The following UNC13C variants were observed in gnomAD, a reference collection of about 807,000 sequenced individuals.
The protein encoded by UNC13C is unc-13 homolog C, also known as protein unc-13 homolog C.
UNC13C carries 174 observed loss-of-function variants against 245.4 expected under a neutral mutation model. The ratio of observed to expected loss-of-function variants is 0.71; its 90% confidence interval spans 0.63 to 0.80. The LOEUF is 0.80. UNC13C is among the 30% of genes least tolerant of loss of function. The pLI is 0.00. For synonymous variants in UNC13C, 992 were observed against 895.1 expected, an observed-to-expected ratio of 1.11 and a Z score of -1.93; for missense variants, 2,829 against 2,602.9, an observed-to-expected ratio of 1.09 and a Z score of -1.89.
rs55925649 is a variant in UNC13C, at chr15:54,175,508, A to ATTTTTTTTTTTTTTTTTTTTTTTTTTTT, written c.3071+31846_3071+31847insTTTTTTTTTTTTTTTTTTTTTTTTTTTT. On this transcript the variant is annotated intron_variant, in intron 4 of 32. Coordinates refer to ENST00000260323, the MANE Select transcript of UNC13C (RefSeq NM_001080534.3). ...AAAACACTGTTGTTGTGGCCCTAGA[A>ATTTTTTTTTTTTTTTTTTTTTTTTTTTT]TTTTTTTTTTTTTTTTTTTTTTGAG... Among the ~76,000 whole-genome samples the ATTTTTTTTTTTTTTTTTTTTTTTTTTTT allele has an allele frequency of 3.2e-4, 34 of 105,984 alleles. 1 individual carries two copies. Among genetic ancestry groups the ATTTTTTTTTTTTTTTTTTTTTTTTTTTT allele is most frequent in the African/African-American group, 1.2e-3 (31 of 26,228 alleles). The allele number at this position is 105,984 out of a possible 152,430, so 69.5% of individuals were successfully genotyped here.
chr15:54,172,049 A>T (rs1325638816), intron 4 of UNC13C, among the ~76,000 whole-genome samples: 1 of 152,098 alleles, frequency 6.6e-6, no homozygotes, highest in Non-Finnish European at 1.5e-5. Flanking sequence ...TGTGGGAGCT[A>T]AAAATTAAAA....
chr15:54,128,824 T>A (rs76923486), intron 2 of UNC13C, among the ~76,000 whole-genome samples: 7,283 of 152,230 alleles, frequency 0.048, 305 homozygotes, highest in African/African-American at 0.11. Context: ...GGAGGGAAAT[T>A]AGTACCTAAT....
At chr15:54,542,326 T>A (rs1896283809) in intron 26 of UNC13C, among the ~76,000 whole-genome samples, 1 of 152,186 alleles carries the variant, frequency 6.6e-6, no homozygotes, top group Admixed American at 6.6e-5. Context: ...AGTTTCTTAA[T>A]CCTGAGTTCT....
chr15:54,536,256 A>G (rs1046793224), intron 26 of UNC13C, among the ~76,000 whole-genome samples: 2 of 152,092 alleles, frequency 1.3e-5, no homozygotes, highest in African/African-American at 4.8e-5. Context: ...TCCCAGAAAC[A>G]TACAAACTAC....
chr15:54,152,402 A>G (rs966168356), intron 4 of UNC13C, among the ~76,000 whole-genome samples: 1 of 152,220 alleles, frequency 6.6e-6, no homozygotes, highest in Non-Finnish European at 1.5e-5. Flanking sequence ...CAATTTGCTT[A>G]TTCAACATTT....
At chr15:54,228,599 C>T (rs140479498) in intron 4 of UNC13C, among the ~76,000 whole-genome samples, 1 of 152,278 alleles carries the variant, frequency 6.6e-6, no homozygotes, top group Non-Finnish European at 1.5e-5. Flanking sequence ...GGATTCTTCC[C>T]TTCAAGGCAG....
chr15:53,880,696 C>CTT, the UNC13C span, among the ~76,000 whole-genome samples: 26,299 of 141,290 alleles, frequency 0.19, 3,036 homozygotes, highest in Non-Finnish European at 0.26. Flanking sequence ...GCTTTGTCAT[C>CTT]TTTTTTTTTT....
At chr15:54,122,994 C>T (rs538076412) in intron 2 of UNC13C, among the ~76,000 whole-genome samples, 7 of 152,006 alleles carry the variant, frequency 4.6e-5, no homozygotes, top group South Asian at 2.1e-4. Context: ...ATATGGCAAA[C>T]GTATGTTTAA....
At position 54,405,994 on chromosome 15, in the gene UNC13C, T is replaced by TG. The variant is rs5812758; in HGVS notation, c.4848-8980dup. Among the ~76,000 whole-genome samples, 922 of 151,916 alleles carry TG rather than the reference T, an allele frequency of 6.1e-3. 12 individuals carry two copies. The highest frequency in any genetic ancestry group is 0.021 in the African/African-American group (870 of 41,406). On this transcript the variant is annotated intron_variant, in intron 18 of 32. Coordinates refer to ENST00000260323, the MANE Select transcript of UNC13C (RefSeq NM_001080534.3). ...AAGAGATGCTATGTTGAGAGAAGTG[T>TG]GGGGGGGGAAAGAATATCTTATCCT...
intron 8 of UNC13C, among the ~76,000 whole-genome samples, chr15:54,258,186 C>T (rs1244719338): frequency 6.6e-6 from 1 of 151,702 alleles, no homozygotes; most frequent in Non-Finnish European, 1.5e-5. Flanking sequence ...AAGTTATTTT[C>T]TCTAGTTTTT....
intron 17 of UNC13C, among the ~76,000 whole-genome samples, chr15:54,364,503 T>C (rs2039315669): frequency 6.6e-6 from 1 of 152,188 alleles, no homozygotes; most frequent in African/African-American, 2.4e-5. Context: ...TAATGTCATT[T>C]TGTACACATT....
rs55925649 is a variant in UNC13C, at chr15:54,175,508, A to ATTTTTTTTTTTT, written c.3071+31835_3071+31846dup. On this transcript the variant is annotated intron_variant, in intron 4 of 32. Coordinates refer to ENST00000260323, the MANE Select transcript of UNC13C (RefSeq NM_001080534.3). ...AAAACACTGTTGTTGTGGCCCTAGA[A>ATTTTTTTTTTTT]TTTTTTTTTTTTTTTTTTTTTTGAG... Among the ~76,000 whole-genome samples, 33 of 105,982 alleles carry ATTTTTTTTTTTT rather than the reference A, an allele frequency of 3.1e-4. 1 individual carries two copies. The highest frequency in any genetic ancestry group is 1.2e-3 in the African/African-American group (31 of 26,226). The allele number at this position is 105,982 out of a possible 152,430, so 69.5% of individuals were successfully genotyped here. A position where few individuals can be genotyped will look rare whatever the true frequency, so the allele number is the denominator to read the frequency against.
At position 54,452,974 on chromosome 15, in the gene UNC13C, G is replaced by A. The variant is rs1302850237; in HGVS notation, c.4933+37907G>A. Among the ~76,000 whole-genome samples the A allele has an allele frequency of 8.5e-5, 13 of 152,332 alleles. No individual in the cohort carries two copies. In the East Asian group the frequency reaches 1.2e-3, roughly 14 times the overall value. On this transcript the variant is annotated intron_variant, in intron 19 of 32. Transcript: ENST00000260323. ...ATGACAATGGGATTCTAAGGGTGTG[G>A]AAATGCAGAGGCTGTTGGGGCCCAG...
chr15:54,286,879 C>A (rs536127015), intron 10 of UNC13C, among the ~76,000 whole-genome samples: 2 of 152,064 alleles, frequency 1.3e-5, no homozygotes, highest in Admixed American at 6.6e-5. Context: ...GAATAAAAGA[C>A]CTTATTCCCA....
At chr15:54,099,288 C>T (rs1281992138) in intron 2 of UNC13C, among the ~76,000 whole-genome samples, 1 of 152,094 alleles carries the variant, frequency 6.6e-6, no homozygotes, top group Non-Finnish European at 1.5e-5. Context: ...CTATCTTTCT[C>T]CCATGGAAAA....
At chr15:54,250,678 A>C (rs17818290) in intron 8 of UNC13C, among the ~76,000 whole-genome samples, 8,515 of 145,928 alleles carry the variant, frequency 0.058, 309 homozygotes, top group Non-Finnish European at 0.082. Context: ...GTGAAATTGC[A>C]CTCTCATCCA....
chr15:54,318,009 C>T (rs1243487601), intron 13 of UNC13C, among the ~76,000 whole-genome samples: 3 of 151,904 alleles, frequency 2.0e-5, no homozygotes, highest in Admixed American at 1.3e-4. Context: ...CTGTGTCTGG[C>T]TTATTTCACA....
chr15:54,171,767 GAAAGAAAATTGGTATTTC>G (rs1373562964), intron 4 of UNC13C, among the ~76,000 whole-genome samples: 1 of 152,042 alleles, frequency 6.6e-6, no homozygotes, highest in Non-Finnish European at 1.5e-5. Context: ...ATACCCAAAA[GAAAGAAAATTGGTATTTC>G]AAAGAGATAT....
At position 54,422,877 on chromosome 15, in the gene UNC13C, A is replaced by G. The variant is rs113846527; in HGVS notation, c.4933+7810A>G. ...CTTTACTACTTTTTTTCTGTTTTTGATGCCTTTTCCTTTTTTCTGTTTGTA... is the reference window on the plus strand; with the variant it reads ...CTTTACTACTTTTTTTCTGTTTTTGGTGCCTTTTCCTTTTTTCTGTTTGTA... On this transcript the variant is annotated intron_variant, in intron 19 of 32. Transcript: ENST00000260323. Among the ~76,000 whole-genome samples, 287 of 151,290 alleles carry G rather than the reference A, an allele frequency of 1.9e-3. 1 individual carries two copies. The highest frequency in any genetic ancestry group is 6.6e-3 in the African/African-American group (273 of 41,234).
Sources: allele counts gnomAD v4.1 joint callset (sites outside exome capture counted in the v4.1 genomes callset), GRCh38; gene constraint gnomAD v4.1.1; transcripts MANE v1.5; gene names NCBI Gene and HGNC (gene_info 2026-07-23, HGNC 2026-07-21).